PROS1: variants seen among roughly 807,000 people sequenced by gnomAD.
The protein encoded by PROS1 is vitamin K-dependent protein S.
In PROS1, 29 loss-of-function variants were observed where a neutral mutation model predicts 75.9. That is an observed-to-expected ratio of 0.38 (90% CI 0.28 to 0.52). PROS1 has a LOEUF of 0.52. PROS1 is among the 20% of genes least tolerant of loss of function. The pLI is 0.83. For missense variants in PROS1, 680 were observed against 810.3 expected (o/e 0.84, Z 1.95); for synonymous variants, 245 against 280.6 (o/e 0.87, Z 1.27).
chr3:93,907,539 C>G (rs1708694715), intron 4 of PROS1, among the ~76,000 whole-genome samples: 1 of 152,202 alleles, frequency 6.6e-6, no homozygotes. Context: ...GATGGGACAA[C>G]CTGCCTACAG....
At chr3:93,954,706 A>C (rs556644893) in intron 1 of PROS1, among the ~76,000 whole-genome samples, 93 of 152,350 alleles carry the variant, frequency 6.1e-4, no homozygotes, top group South Asian at 4.1e-4. Context: ...CAATGGCAAC[A>C]AAAGCCAAAA....
At chr3:93,955,590 G>A (rs1435463208) in intron 1 of PROS1, among the ~76,000 whole-genome samples, 1 of 151,954 alleles carries the variant, frequency 6.6e-6, no homozygotes, top group Non-Finnish European at 1.5e-5. Flanking sequence ...ATGGGGGGAG[G>A]GGGGATGGAT....
At chr3:93,880,560 G>T (rs543886891) in intron 12 of PROS1, among the ~76,000 whole-genome samples, 20 of 152,058 alleles carry the variant, frequency 1.3e-4, no homozygotes, top group African/African-American at 4.8e-4. Flanking sequence ...ATTTTTAATT[G>T]ATATATCATA....
In PROS1 at chr3:93,873,760, G is replaced by A. The variant is rs1708142603; in HGVS notation, c.*485C>T. On this transcript the variant is annotated 3_prime_UTR_variant, in exon 15 of 15. Transcript: ENST00000394236. ...GGAATTGTTTTGAAATAAGGCATTAGGACCCTCCATTCAATTCATATTTAA... is the reference window on the plus strand; with the variant it reads ...GGAATTGTTTTGAAATAAGGCATTAAGACCCTCCATTCAATTCATATTTAA... The A allele has an allele frequency of 5.9e-6, 1 of 169,934 alleles. No individual in the cohort carries two copies. Among genetic ancestry groups the A allele is most frequent in the South Asian group, 1.5e-4 (1 of 6,762 alleles). 10.5% of individuals were successfully genotyped at this position (169,934 alleles called of 1,614,324 possible). A position where few individuals can be genotyped will look rare whatever the true frequency, so the allele number is the denominator to read the frequency against.
At chr3:93,876,944 T>C (rs1576171954) in intron 14 of PROS1, 22 bp downstream of exon 14, 1 of 1,469,542 alleles carries the variant, frequency 6.8e-7, no homozygotes, top group East Asian at 2.3e-5. Context: ...TTTTTAAAAC[T>C]GAAGAAAAAG....
At chr3:93,884,439 G>C (rs1267970266) in intron 12 of PROS1, among the ~76,000 whole-genome samples, 1 of 152,196 alleles carries the variant, frequency 6.6e-6, no homozygotes, top group Non-Finnish European at 1.5e-5. Context: ...CTCCATACAA[G>C]TGAGAAATCA....
In PROS1 at chr3:93,906,050, G is replaced by A; in HGVS notation, c.440C>T (p.Pro147Leu). ...GKASFTCTCKPGWQGEKCEFD... is the reference protein window; with the variant it reads ...GKASFTCTCKLGWQGEKCEFD... The stretch of plus-strand genomic sequence containing the variant: ...TTCACACTTTTCTCCTTGCCAACCT[G>A]GTTTACAAGTGCAAGTAAAAGAAGC... The change falls in exon 5 of 15, where the codon CCA (proline) becomes CTA (leucine). Residue 147 changes from proline (P) to leucine (L), a missense_variant. Coordinates refer to ENST00000394236, the MANE Select transcript of PROS1 (RefSeq NM_000313.4). 6.2e-7 allele frequency: 1 copy of A among 1,613,986 alleles called. No individual in the cohort carries two copies. The highest frequency in any genetic ancestry group is 1.1e-5 in the South Asian group (1 of 91,078).
At chr3:93,888,362 G>A (rs1708382169) in intron 10 of PROS1, among the ~76,000 whole-genome samples, 1 of 152,094 alleles carries the variant, frequency 6.6e-6, no homozygotes, top group South Asian at 2.1e-4. Flanking sequence ...TATAGTTATA[G>A]TTGACTACGT....
At chr3:93,930,851 A>G (rs997630954) in intron 1 of PROS1, among the ~76,000 whole-genome samples, 6 of 152,214 alleles carry the variant, frequency 3.9e-5, no homozygotes, top group African/African-American at 1.4e-4. Flanking sequence ...TAGGCATCCC[A>G]ACTCTCAGAC....
chr3:93,903,086 C>T (rs756527392), intron 6 of PROS1, among the ~76,000 whole-genome samples: 10 of 151,996 alleles, frequency 6.6e-5, no homozygotes, highest in East Asian at 1.9e-4. Flanking sequence ...AGGATGATCT[C>T]GATCTCCTGA....
intron 11 of PROS1, among the ~76,000 whole-genome samples, chr3:93,886,068 T>C (rs889767044): frequency 7.9e-5 from 12 of 152,154 alleles, no homozygotes; most frequent in Non-Finnish European, 1.3e-4. Context: ...GTGTTAACAT[T>C]CTCAAGTGTT....
At chr3:93,944,842 C>G (rs894675501) in intron 1 of PROS1, among the ~76,000 whole-genome samples, 10 of 151,848 alleles carry the variant, frequency 6.6e-5, no homozygotes, top group Middle Eastern at 3.4e-3. Flanking sequence ...CACAAAAAAC[C>G]CTTCAAAAAA....
intron 3 of PROS1, among the ~76,000 whole-genome samples, chr3:93,914,230 G>C (rs529202580): frequency 1.3e-5 from 2 of 152,302 alleles, no homozygotes; most frequent in Admixed American, 1.3e-4. Flanking sequence ...TTGCCCTGGT[G>C]GGGGCTCACT....
chr3:93,910,372 A>T (rs1399661384), intron 4 of PROS1, among the ~76,000 whole-genome samples: 1 of 152,218 alleles, frequency 6.6e-6, no homozygotes, highest in East Asian at 1.9e-4. Flanking sequence ...TGAAGCTGAT[A>T]ACCTTTAGGA....
At chr3:93,943,582 T>C (rs1359899427) in intron 1 of PROS1, among the ~76,000 whole-genome samples, 5 of 152,130 alleles carry the variant, frequency 3.3e-5, no homozygotes, top group African/African-American at 9.7e-5. Flanking sequence ...CTGAGAAACA[T>C]TGACCATTAT....
intron 1 of PROS1, among the ~76,000 whole-genome samples, chr3:93,954,425 A>G (rs1308069249): frequency 6.6e-6 from 1 of 152,194 alleles, no homozygotes; most frequent in Non-Finnish European, 1.5e-5. Context: ...AATACCACAC[A>G]TCTACAACCA....
At chr3:93,905,181 T>C (rs972716714) in intron 6 of PROS1, among the ~76,000 whole-genome samples, 1 of 152,248 alleles carries the variant, frequency 6.6e-6, no homozygotes, top group African/African-American at 2.4e-5. Flanking sequence ...AACAATGATT[T>C]TGCAAAGTTT....
intron 1 of PROS1, among the ~76,000 whole-genome samples, chr3:93,953,169 C>T (rs1310219923): frequency 6.6e-6 from 1 of 152,158 alleles, no homozygotes; most frequent in Admixed American, 6.6e-5. Flanking sequence ...TGTTACCATT[C>T]CTTCTGGAAC....
intron 3 of PROS1, among the ~76,000 whole-genome samples, chr3:93,915,721 A>G (rs1160069380): frequency 1.3e-5 from 2 of 152,012 alleles, no homozygotes; most frequent in Non-Finnish European, 2.9e-5. Context: ...TCTACCAACA[A>G]TCTAATCATG....
Sources: gnomAD v4.1 joint callset for allele counts (sites outside exome capture counted in the v4.1 genomes callset) on GRCh38, gnomAD v4.1.1 for gene constraint, MANE v1.5 for transcripts, NCBI Gene and HGNC (gene_info 2026-07-23, HGNC 2026-07-21) for gene names.